Variants in KCNQ1OT1 observed in about 807,000 individuals in gnomAD.
KCNQ1OT1 encodes the protein KCNQ1 antisense RNA 2 (non-protein coding).
chr11:2,643,543 T>C (rs1849612910), exon 1 of KCNQ1OT1: 2 of 398,416 alleles, frequency 5.0e-6, no homozygotes, highest in Non-Finnish European at 8.8e-6. Context: ...TATGTGTCTT[T>C]ACAGGTGAGA....
chr11:2,676,256 A>T lies in KCNQ1OT1; in HGVS notation n.23739T>A. ...TTATGGTGCAGTACATCTGAGAAGC[A>T]TTTTTATTGCAAAATGTGTGTTTAC... On this transcript the variant is annotated non_coding_transcript_exon_variant, in exon 1 of 1. Coordinates refer to ENST00000597346, the Ensembl canonical transcript of KCNQ1OT1. This position sits in a 1 kb window ranked among gnomAD's most constrained non-coding sequence, Gnocchi z 4.2. 1 of 398,660 alleles carries T rather than the reference A, an allele frequency of 2.5e-6. No individual in the cohort carries two copies. Among genetic ancestry groups the T allele is most frequent in the South Asian group, 1.3e-4 (1 of 7,866 alleles). 24.7% of individuals were successfully genotyped at this position (398,660 alleles called of 1,614,324 possible).
In KCNQ1OT1 at chr11:2,683,196, C is replaced by T; in HGVS notation, n.16799G>A. 2.5e-6 allele frequency: 1 copy of T among 398,656 alleles called. No homozygotes were observed. Among genetic ancestry groups the T allele is most frequent in the East Asian group, 3.6e-5 (1 of 28,082 alleles). The allele number at this position is 398,656 out of a possible 1,614,324, so 24.7% of individuals were successfully genotyped here. ...TGCATTAAAAGGCTCCCACTGACAG[C>T]TCATGCATTGTGATGGAACTAGAGG... On this transcript the variant is annotated non_coding_transcript_exon_variant, in exon 1 of 1. Coordinates refer to ENST00000597346, the Ensembl canonical transcript of KCNQ1OT1. The surrounding 1 kb of genome is among the most constrained non-coding windows in gnomAD (Gnocchi z 4.7).
chr11:2,660,217 C>A, exon 1 of KCNQ1OT1: 1 of 397,952 alleles, frequency 2.5e-6, no homozygotes, highest in Non-Finnish European at 4.4e-6. Context: ...GTATGTAGTA[C>A]CCTTTAAATT....
At position 2,676,726 on chromosome 11, in the gene KCNQ1OT1, T is replaced by C. The variant is rs1850301668; in HGVS notation, n.23269A>G. ...GCAGGAGATAACCAAGTCATATGCA[T>C]AGTGGCTTTGGGTACGATGGTCTGC... On this transcript the variant is annotated non_coding_transcript_exon_variant, in exon 1 of 1. Transcript: ENST00000597346. This position sits in a 1 kb window ranked among gnomAD's most constrained non-coding sequence, Gnocchi z 4.2. The C allele has an allele frequency of 5.0e-6, 2 of 398,656 alleles. No homozygotes were observed. Among genetic ancestry groups the C allele is most frequent in the East Asian group, 7.1e-5 (2 of 28,086 alleles). 24.7% of individuals were successfully genotyped at this position (398,656 alleles called of 1,614,324 possible).
chr11:2,611,730 A>G lies in KCNQ1OT1; in HGVS notation n.88265T>C. 2.5e-6 allele frequency: 1 copy of G among 398,438 alleles called. No individual in the cohort carries two copies. Among genetic ancestry groups the G allele is most frequent in the Non-Finnish European group, 4.4e-6 (1 of 226,016 alleles). The allele number at this position is 398,438 out of a possible 1,614,324, so 24.7% of individuals were successfully genotyped here. A position where few individuals can be genotyped will look rare whatever the true frequency, so the allele number is the denominator to read the frequency against. On this transcript the variant is annotated non_coding_transcript_exon_variant, in exon 1 of 1. Transcript: ENST00000597346. This position sits in a 1 kb window ranked among gnomAD's most constrained non-coding sequence, Gnocchi z 5.3. Reference sequence around the variant, plus strand: ...GTAATATAATTATTGATATGGAAGGATTTATATCTACCATGTTGTTATTTA... The same window carrying G: ...GTAATATAATTATTGATATGGAAGGGTTTATATCTACCATGTTGTTATTTA...
At position 2,695,772 on chromosome 11, in the gene KCNQ1OT1, C is replaced by A; in HGVS notation, n.4223G>T. 2.5e-6 allele frequency: 1 copy of A among 398,652 alleles called. No homozygotes were observed. Among genetic ancestry groups the A allele is most frequent in the South Asian group, 1.3e-4 (1 of 7,858 alleles). 24.7% of individuals were successfully genotyped at this position (398,652 alleles called of 1,614,324 possible). A position where few individuals can be genotyped will look rare whatever the true frequency, so the allele number is the denominator to read the frequency against. Reference sequence around the variant, plus strand: ...CCTTCTGCCAACACTTGGCCTTATCCTACTTTCTAATGCTTCTCCTATGAA... The same window carrying A: ...CCTTCTGCCAACACTTGGCCTTATCATACTTTCTAATGCTTCTCCTATGAA... On this transcript the variant is annotated non_coding_transcript_exon_variant, in exon 1 of 1. Coordinates refer to ENST00000597346, the Ensembl canonical transcript of KCNQ1OT1. This position sits in a 1 kb window ranked among gnomAD's most constrained non-coding sequence, Gnocchi z 5.2.
exon 1 of KCNQ1OT1, chr11:2,686,191 GC>G (rs909739562): frequency 2.3e-5 from 9 of 398,672 alleles, no homozygotes; most frequent in African/African-American, 1.9e-4. Context: ...TACTCATCCT[GC>G]CCAAAACCCT....
Position 2,612,720 on chromosome 11 carries a change from C to T in KCNQ1OT1, n.87275G>A, listed in dbSNP as rs1427778387. 2.0e-5 allele frequency: 8 copies of T among 398,484 alleles called. No homozygotes were observed. The highest frequency in any genetic ancestry group is 3.5e-5 in the Non-Finnish European group (8 of 226,062). 24.7% of individuals were successfully genotyped at this position (398,484 alleles called of 1,614,324 possible). A position where few individuals can be genotyped will look rare whatever the true frequency, so the allele number is the denominator to read the frequency against. On this transcript the variant is annotated non_coding_transcript_exon_variant, in exon 1 of 1. Transcript: ENST00000597346. This position sits in a 1 kb window ranked among gnomAD's most constrained non-coding sequence, Gnocchi z 5.5. ...TACTTACTTTGAAATCGCGCCCTAACATTTGGGGCCCTTCAGAGATAATTC... is the reference window on the plus strand; with the variant it reads ...TACTTACTTTGAAATCGCGCCCTAATATTTGGGGCCCTTCAGAGATAATTC...
chr11:2,680,367 A>T (rs1451561729), exon 1 of KCNQ1OT1: 4 of 398,308 alleles, frequency 1.0e-5, no homozygotes, highest in African/African-American at 8.2e-5. Flanking sequence ...CAGTTTACCC[A>T]CATGTTCAAA....
chr11:2,692,908 T>G (rs1043356479), exon 1 of KCNQ1OT1: 10 of 398,018 alleles, frequency 2.5e-5, no homozygotes, highest in African/African-American at 1.4e-4. Flanking sequence ...TAAAATCAAC[T>G]GTAGCATGGC....
chr11:2,644,806 C>T, exon 1 of KCNQ1OT1: 1 of 398,624 alleles, frequency 2.5e-6, no homozygotes, highest in Non-Finnish European at 4.4e-6. Context: ...GAATTTTTTT[C>T]AGCTGTAAAC....
exon 1 of KCNQ1OT1, chr11:2,644,098 A>G (rs1354228507): frequency 2.5e-6 from 1 of 398,538 alleles, no homozygotes; most frequent in African/African-American, 2.1e-5. Flanking sequence ...AATTGTATCT[A>G]TTTAGGGTTC....
chr11:2,647,886 T>C lies in KCNQ1OT1; in HGVS notation n.52109A>G, dbSNP rs1029289926. 4.3e-5 allele frequency: 17 copies of C among 398,470 alleles called. No homozygotes were observed. Among genetic ancestry groups the C allele is most frequent in the African/African-American group, 2.3e-4 (11 of 48,612 alleles). 24.7% of individuals were successfully genotyped at this position (398,470 alleles called of 1,614,324 possible). On this transcript the variant is annotated non_coding_transcript_exon_variant, in exon 1 of 1. Coordinates refer to ENST00000597346, the Ensembl canonical transcript of KCNQ1OT1. This position sits in a 1 kb window ranked among gnomAD's most constrained non-coding sequence, Gnocchi z 4.0. ...ATTTATTGGGTCTTCTTGGTTAGTC[T>C]AGCTAATGGTTTATTGATTTTCTCT...
At position 2,645,938 on chromosome 11, in the gene KCNQ1OT1, C is replaced by G. The variant is rs1590002333; in HGVS notation, n.54057G>C. The G allele has an allele frequency of 7.5e-6, 3 of 398,592 alleles. No individual in the cohort carries two copies. In the South Asian group the frequency reaches 3.8e-4, roughly 51 times the overall value. 24.7% of individuals were successfully genotyped at this position (398,592 alleles called of 1,614,324 possible). On this transcript the variant is annotated non_coding_transcript_exon_variant, in exon 1 of 1. Coordinates refer to ENST00000597346, the Ensembl canonical transcript of KCNQ1OT1. This position sits in a 1 kb window ranked among gnomAD's most constrained non-coding sequence, Gnocchi z 5.8. ...AGTCTGTAGGTAGCCTCTTGTTAGT[C>G]TCAAGGCATCTATGGGTCAGGGGGT... is the stretch of plus-strand genomic sequence containing the variant.
At position 2,620,211 on chromosome 11, in the gene KCNQ1OT1, A is replaced by ATATTT. The variant is rs1383035176; in HGVS notation, n.79783_79784insAAATA. On this transcript the variant is annotated non_coding_transcript_exon_variant, in exon 1 of 1. Transcript: ENST00000597346. The surrounding 1 kb of genome is among the most constrained non-coding windows in gnomAD (Gnocchi z 4.5). Reference sequence around the variant, plus strand: ...TAAGTTCATTCATGTATATATATATATTTTTTTTTTTTATTTTTTTTTTAG... The same window carrying ATATTT: ...TAAGTTCATTCATGTATATATATATATATTTTTTTTTTTTTTTATTTTTTTTTTAG... 907 of 261,952 alleles carry ATATTT rather than the reference A, an allele frequency of 3.5e-3. 6 individuals carry two copies. The highest frequency in any genetic ancestry group is 0.018 in the African/African-American group (703 of 38,086). 16.2% of individuals were successfully genotyped at this position (261,952 alleles called of 1,614,324 possible). A position where few individuals can be genotyped will look rare whatever the true frequency, so the allele number is the denominator to read the frequency against.
exon 1 of KCNQ1OT1, chr11:2,639,215 G>T (rs564101368): frequency 1.3e-5 from 2 of 152,288 alleles, no homozygotes; most frequent in South Asian, 4.1e-4. Flanking sequence ...CTCTCAACTT[G>T]TCAAAGTCAT....
Position 2,679,626 on chromosome 11 carries a change from A to G in KCNQ1OT1, n.20369T>C. 2.5e-6 allele frequency: 1 copy of G among 398,652 alleles called. No individual in the cohort carries two copies. 24.7% of individuals were successfully genotyped at this position (398,652 alleles called of 1,614,324 possible). A position where few individuals can be genotyped will look rare whatever the true frequency, so the allele number is the denominator to read the frequency against. ...GCGAGTTGGAATGAATAGTATCAGC[A>G]TCAGAAAAAATACAAGTGCATCCTC... On this transcript the variant is annotated non_coding_transcript_exon_variant, in exon 1 of 1. Coordinates refer to ENST00000597346, the Ensembl canonical transcript of KCNQ1OT1. The surrounding 1 kb of genome is among the most constrained non-coding windows in gnomAD (Gnocchi z 4.8).
Position 2,678,160 on chromosome 11 carries a change from T to C in KCNQ1OT1, n.21835A>G, listed in dbSNP as rs1850325951. On this transcript the variant is annotated non_coding_transcript_exon_variant, in exon 1 of 1. Transcript: ENST00000597346. This position sits in a 1 kb window ranked among gnomAD's most constrained non-coding sequence, Gnocchi z 4.9. ...ATTTTCCTTAGGTGTTTTGGCTTTT[T>C]CTATAATATTTTTCTGGTGGCAGAA... is the stretch of plus-strand genomic sequence containing the variant. 5.0e-6 allele frequency: 2 copies of C among 398,282 alleles called. No individual in the cohort carries two copies. The highest frequency in any genetic ancestry group is 2.5e-4 in the South Asian group (2 of 7,866). 24.7% of individuals were successfully genotyped at this position (398,282 alleles called of 1,614,324 possible). A position where few individuals can be genotyped will look rare whatever the true frequency, so the allele number is the denominator to read the frequency against.
exon 1 of KCNQ1OT1, chr11:2,618,102 C>T: frequency 2.5e-6 from 1 of 398,392 alleles, no homozygotes. Flanking sequence ...AAATCACTGC[C>T]AGAGCCATGT....
Sources: gnomAD v4.1 joint callset for allele counts on GRCh38, gnomAD v4.1.1 for gene constraint, Gnocchi (gnomAD v3.1) non-coding constraint, MANE v1.5 for transcripts, NCBI Gene and HGNC (gene_info 2026-07-23, HGNC 2026-07-21) for gene names.